SUPT3H: variants seen among roughly 807,000 people sequenced by gnomAD.
SUPT3H encodes the protein transcription initiation protein SPT3 homolog.
In SUPT3H, 44 loss-of-function variants were observed where a neutral mutation model predicts 44.3. The ratio of observed to expected loss-of-function variants is 0.99; its 90% CI spans 0.78 to 1.28. The LOEUF is 1.28. Among genes scored for constraint, SUPT3H ranks in the 50% most tolerant of loss-of-function variants. The probability of loss-of-function intolerance (pLI) is 0.00; values close to 1 mark genes in which losing one functional copy is unlikely to be tolerated. For synonymous variants in SUPT3H, 124 were observed against 125.6 expected (o/e 0.99, Z 0.09); for missense variants, 380 against 387.1 (o/e 0.98, Z 0.15).
chr6:45,003,817 A>G (rs1438710078), intron 5 of SUPT3H, 25 bp from the exon 6 acceptor site: 2 of 1,612,290 alleles, frequency 1.2e-6, no homozygotes, highest in Admixed American at 1.7e-5. Flanking sequence ...GGGAAAGAAA[A>G]AAAGAAATGT....
At chr6:45,255,780 A>G (rs191663116) in intron 2 of SUPT3H, among the ~76,000 whole-genome samples, 73 of 152,312 alleles carry the variant, frequency 4.8e-4, no homozygotes, top group Admixed American at 4.6e-3. Context: ...CATAATTCAC[A>G]AACCATAAAT....
chr6:44,976,034 T>C (rs1426846322), intron 6 of SUPT3H, among the ~76,000 whole-genome samples: 2 of 152,206 alleles, frequency 1.3e-5, no homozygotes, highest in African/African-American at 4.8e-5. Context: ...TTAATCATCT[T>C]AATGCTAAAG....
intron 2 of SUPT3H, among the ~76,000 whole-genome samples, chr6:45,273,158 G>T (rs1163973863): frequency 1.3e-5 from 2 of 152,180 alleles, no homozygotes; most frequent in African/African-American, 2.4e-5. Context: ...AATTGTATAA[G>T]GTGAACCAAT....
intron 10 of SUPT3H, among the ~76,000 whole-genome samples, chr6:44,908,452 G>C (rs1425804830): frequency 6.6e-6 from 1 of 151,932 alleles, no homozygotes; most frequent in Non-Finnish European, 1.5e-5. Context: ...TGTCTGGCCA[G>C]AAATACCATT....
chr6:45,038,579 A>T (rs1017626039), intron 3 of SUPT3H, among the ~76,000 whole-genome samples: 2 of 152,198 alleles, frequency 1.3e-5, no homozygotes, highest in Admixed American at 6.5e-5. Context: ...TTTGGCTTTA[A>T]AACATGTACA....
At chr6:45,159,431 T>C (rs114559867) in intron 2 of SUPT3H, 6 of 152,262 alleles carry the variant, frequency 3.9e-5, no homozygotes, top group South Asian at 2.1e-4. Context: ...CAGATCAAAA[T>C]AGTCATCCCA....
intron 3 of SUPT3H, among the ~76,000 whole-genome samples, chr6:45,036,809 TAAG>T (rs1326473294): frequency 1.3e-5 from 2 of 152,176 alleles, no homozygotes; most frequent in East Asian, 1.9e-4. Context: ...TAAATCCAAG[TAAG>T]AAGATGACTT....
chr6:45,078,771 A>T (rs997947839), intron 3 of SUPT3H, among the ~76,000 whole-genome samples: 3 of 152,116 alleles, frequency 2.0e-5, no homozygotes, highest in Non-Finnish European at 4.4e-5. Flanking sequence ...ACAACACCTC[A>T]TTCTCTTCTG....
chr6:44,969,920 C>G (rs1349585810), intron 6 of SUPT3H, among the ~76,000 whole-genome samples: 1 of 152,042 alleles, frequency 6.6e-6, no homozygotes, highest in East Asian at 1.9e-4. Flanking sequence ...GCTGTAGACC[C>G]TAGAAGATTC....
At chr6:45,234,557 A>G (rs915060059) in intron 2 of SUPT3H, among the ~76,000 whole-genome samples, 1 of 151,602 alleles carries the variant, frequency 6.6e-6, no homozygotes, top group Non-Finnish European at 1.5e-5. Flanking sequence ...AGAAAAGAAA[A>G]AAAAGAAATA....
chr6:45,155,016 A>C lies in SUPT3H; in HGVS notation c.102-49010T>G, dbSNP rs1053757724. The stretch of plus-strand genomic sequence containing the variant: ...TTTGGAGTGAAACTCTGTTCATCTT[A>C]GAAGGAAAAAAGTTAGGTTTGAAAA... On this transcript the variant is annotated intron_variant, in intron 2 of 10. Transcript: ENST00000371459. Among the ~76,000 whole-genome samples the C allele has an allele frequency of 7.9e-5, 12 of 152,292 alleles. 1 individual carries two copies. Among genetic ancestry groups the C allele is most frequent in the African/African-American group, 2.9e-4 (12 of 41,572 alleles).
chr6:45,078,100 T>C (rs1425212351), intron 3 of SUPT3H, among the ~76,000 whole-genome samples: 1 of 152,204 alleles, frequency 6.6e-6, no homozygotes, highest in South Asian at 2.1e-4. Flanking sequence ...CTTGAACTCC[T>C]GACTTCAAGT....
chr6:45,296,866 C>G (rs1186147414), intron 2 of SUPT3H, among the ~76,000 whole-genome samples: 1 of 150,518 alleles, frequency 6.6e-6, no homozygotes, highest in Non-Finnish European at 1.5e-5. Flanking sequence ...ACCACCTGTG[C>G]CCCGTGGAGA....
At chr6:45,244,120 G>C (rs943719531) in intron 2 of SUPT3H, among the ~76,000 whole-genome samples, 1 of 152,148 alleles carries the variant, frequency 6.6e-6, no homozygotes, top group Non-Finnish European at 1.5e-5. Flanking sequence ...CTGGGCTCAA[G>C]TGATCCTTGG....
At chr6:44,825,995 G>C (rs1474431739), downstream of SUPT3H, among the ~76,000 whole-genome samples, 1 of 152,192 alleles carries the variant, frequency 6.6e-6, no homozygotes, top group East Asian at 1.9e-4. Flanking sequence ...AAACTTCCAT[G>C]ACTTATGACA....
intron 2 of SUPT3H, among the ~76,000 whole-genome samples, chr6:45,176,224 T>A (rs1193804394): frequency 6.6e-6 from 1 of 151,732 alleles, no homozygotes; most frequent in Non-Finnish European, 1.5e-5. Flanking sequence ...GCGCGCACCG[T>A]GCGCGAGCCG....
chr6:44,887,582 C>T (rs531183538), intron 10 of SUPT3H, among the ~76,000 whole-genome samples: 1 of 152,092 alleles, frequency 6.6e-6, no homozygotes, highest in South Asian at 2.1e-4. Context: ...AGAACAAAGA[C>T]ACAACATACC....
At chr6:44,947,954 A>G (rs953510424) in intron 9 of SUPT3H, among the ~76,000 whole-genome samples, 1 of 152,188 alleles carries the variant, frequency 6.6e-6, no homozygotes, top group African/African-American at 2.4e-5. Flanking sequence ...CTTAGGACAC[A>G]GGCAATAAAT....
At chr6:45,176,397 T>C (rs1222538389) in intron 2 of SUPT3H, among the ~76,000 whole-genome samples, 5 of 152,098 alleles carry the variant, frequency 3.3e-5, no homozygotes, top group Non-Finnish European at 7.4e-5. Flanking sequence ...CATGAGATTA[T>C]ATCTCACACC....
Sources: gnomAD v4.1 joint callset for allele counts (sites outside exome capture counted in the v4.1 genomes callset) on GRCh38, gnomAD v4.1.1 for gene constraint, MANE v1.5 for transcripts, NCBI Gene and HGNC (gene_info 2026-07-23, HGNC 2026-07-21) for gene names.